The following HIGD1C variants were observed in gnomAD, a reference collection of about 807,000 sequenced individuals.
HIGD1C encodes the protein HIG1 hypoxia inducible domain family member 1C, also known as HIG1 domain family member 1C.
HIGD1C carries 11 observed loss-of-function variants against 13.1 expected under a neutral mutation model. The observed-to-expected ratio is 0.84, with a 90% CI of 0.53 to 1.39. The LOEUF (loss-of-function observed/expected upper bound fraction) is 1.39. Among genes scored for constraint, HIGD1C ranks in the 40% most tolerant of loss-of-function variants. The pLI is 0.00. For missense variants in HIGD1C, 110 were observed against 112.0 expected, an observed-to-expected ratio of 0.98 and a Z score of 0.08; for synonymous variants, 36 against 37.7, an observed-to-expected ratio of 0.95 and a Z score of 0.17.
chr12:50,956,297 C>G (rs762065769), intron 1 of HIGD1C, among the ~76,000 whole-genome samples: 1 of 152,058 alleles, frequency 6.6e-6, no homozygotes, highest in African/African-American at 2.4e-5. Flanking sequence ...GAGGCTGAGG[C>G]GGGAGAATCA....
the HIGD1C span, chr12:50,931,810 C>G: frequency 6.6e-6 from 1 of 151,412 alleles, no homozygotes. Flanking sequence ...AGTGATTCTC[C>G]CACCTTGACC....
At chr12:50,947,634 C>T in the HIGD1C span, among the ~76,000 whole-genome samples, 3 of 152,136 alleles carry the variant, frequency 2.0e-5, no homozygotes, top group Non-Finnish European at 4.4e-5. Flanking sequence ...TTTCCCTTTG[C>T]CATGTAATGT....
chr12:50,947,179 T>C, the HIGD1C span, among the ~76,000 whole-genome samples: 2 of 152,316 alleles, frequency 1.3e-5, no homozygotes, highest in South Asian at 2.1e-4. Flanking sequence ...TGGAGCAGAC[T>C]GACTACACAG....
rs1939306127 is a variant in HIGD1C at position 50,961,013 on chromosome 12, TA to T, written c.143del (p.Lys48SerfsTer15). 1 of 1,610,418 alleles carries T rather than the reference TA, an allele frequency of 6.2e-7. No homozygotes were observed. Among genetic ancestry groups the T allele is most frequent in the Non-Finnish European group, 8.5e-7 (1 of 1,178,038 alleles). Reference sequence around the variant, plus strand: ...GTGGTGTCCTGTGGTCTTTACAAGCTAAAGTACAGAAGAGATCAGAAAATGT... The same window carrying T: ...GTGGTGTCCTGTGGTCTTTACAAGCTAAGTACAGAAGAGATCAGAAAATGT... On this transcript the variant is annotated frameshift_variant, in exon 2 of 3. Coordinates refer to ENST00000398455, the Ensembl canonical transcript of HIGD1C. LOFTEE classifies it high-confidence loss of function.
intron 1 of HIGD1C, 97 bp downstream of exon 3, chr12:50,954,189 T>G (rs1397467100): frequency 4.1e-6 from 3 of 738,770 alleles, no homozygotes; most frequent in Admixed American, 2.5e-5. Context: ...ATAATTGAAT[T>G]TTTTCAGATA....
At chr12:50,937,619 G>A in the HIGD1C span, among the ~76,000 whole-genome samples, 9 of 152,176 alleles carry the variant, frequency 5.9e-5, no homozygotes, top group African/African-American at 2.2e-4. Flanking sequence ...GGGTCCCTCG[G>A]TGGGTCCCAA....
chr12:50,953,548 G>T (rs1938976525), upstream of HIGD1C, among the ~76,000 whole-genome samples: 1 of 152,204 alleles, frequency 6.6e-6, no homozygotes. Flanking sequence ...GAGTTGAAGT[G>T]ATCATTCTCC....
intron 2 of HIGD1C, among the ~76,000 whole-genome samples, chr12:50,962,801 A>G (rs1206838175): frequency 2.6e-5 from 4 of 152,204 alleles, no homozygotes; most frequent in Non-Finnish European, 2.9e-5. Context: ...GATGTAAACC[A>G]TGTACTGAAC....
intron 1 of HIGD1C, 88 bp from the exon 4 acceptor site, chr12:50,960,880 A>C: frequency 1.7e-6 from 2 of 1,152,476 alleles, no homozygotes; most frequent in Non-Finnish European, 2.4e-6. Context: ...GGGTCTTGCT[A>C]TGTTGCCCAG....
At chr12:50,939,569 T>C in the HIGD1C span, among the ~76,000 whole-genome samples, 1 of 152,178 alleles carries the variant, frequency 6.6e-6, no homozygotes, top group African/African-American at 2.4e-5. Flanking sequence ...GCCTCGACAC[T>C]TTTACCTGCT....
the HIGD1C span, among the ~76,000 whole-genome samples, chr12:50,938,654 C>T: frequency 6.6e-6 from 1 of 152,220 alleles, no homozygotes; most frequent in African/African-American, 2.4e-5. Flanking sequence ...CCGCTACAAC[C>T]ATCACTTCTA....
intron 2 of HIGD1C, among the ~76,000 whole-genome samples, chr12:50,966,838 T>C (rs115441969): frequency 6.6e-6 from 1 of 152,266 alleles, no homozygotes; most frequent in African/African-American, 2.4e-5. Context: ...AGGTTGGGGA[T>C]TGAATTTGTA....
the HIGD1C span, among the ~76,000 whole-genome samples, chr12:50,943,691 C>T: frequency 1.3e-5 from 2 of 150,370 alleles, no homozygotes; most frequent in African/African-American, 2.5e-5. Context: ...GCCTGGGTGA[C>T]AGCGAGACTC....
the HIGD1C span, among the ~76,000 whole-genome samples, chr12:50,944,329 C>T: frequency 1.3e-5 from 2 of 152,200 alleles, no homozygotes; most frequent in Non-Finnish European, 2.9e-5. Context: ...AAAATCCACA[C>T]CTTCCTCCAG....
chr12:50,963,340 A>G (rs1939412533), intron 2 of HIGD1C, among the ~76,000 whole-genome samples: 1 of 143,716 alleles, frequency 7.0e-6, no homozygotes, highest in Non-Finnish European at 1.5e-5. Context: ...ACTGCACTCC[A>G]GCCTGGGTGA....
chr12:50,952,707 T>G (rs1186277784), upstream of HIGD1C, among the ~76,000 whole-genome samples: 1 of 152,128 alleles, frequency 6.6e-6, no homozygotes, highest in Non-Finnish European at 1.5e-5. Flanking sequence ...GCGATGGCCT[T>G]ACCGCCAGGT....
At chr12:50,937,161 G>A in the HIGD1C span, among the ~76,000 whole-genome samples, 4 of 152,146 alleles carry the variant, frequency 2.6e-5, no homozygotes, top group Admixed American at 6.5e-5. Flanking sequence ...TTTGCCAGAC[G>A]CAGACCTCCA....
At position 50,963,181 on chromosome 12, in the gene HIGD1C, T is replaced by C. The variant is rs558117205; in HGVS notation, c.229+2079T>C. On this transcript the variant is annotated intron_variant, in intron 2 of 2. Transcript: ENST00000398455. Reference sequence around the variant, plus strand: ...GGTCAGGAGTTTGAGACAAGCCTGGTCAACATGGTGAAACCCCATCTCTAC... The same window carrying C: ...GGTCAGGAGTTTGAGACAAGCCTGGCCAACATGGTGAAACCCCATCTCTAC... Among the ~76,000 whole-genome samples, 11 of 151,010 alleles carry C rather than the reference T, an allele frequency of 7.3e-5. No homozygotes were observed. In the South Asian group the frequency reaches 2.1e-3, roughly 29 times the overall value.
chr12:50,962,712 A>C (rs1939385267), intron 2 of HIGD1C, among the ~76,000 whole-genome samples: 1 of 152,086 alleles, frequency 6.6e-6, no homozygotes, highest in African/African-American at 2.4e-5. Flanking sequence ...AAGAAAAAAA[A>C]ATTTTTTTGC....
Sources: gnomAD v4.1 joint callset for allele counts (sites outside exome capture counted in the v4.1 genomes callset) on GRCh38, gnomAD v4.1.1 for gene constraint, MANE v1.5 for transcripts, NCBI Gene and HGNC (gene_info 2026-07-23, HGNC 2026-07-21) for gene names.